Variants in MACROD2 observed in about 807,000 individuals in gnomAD.
MACROD2 encodes the protein mono-ADP ribosylhydrolase 2.
In MACROD2, 36 loss-of-function variants were observed where a neutral mutation model predicts 70.4. The ratio of observed to expected loss-of-function variants is 0.51; its 90% CI spans 0.39 to 0.68. MACROD2 has a LOEUF of 0.68. Among genes scored for constraint, MACROD2 ranks in the 30% least tolerant of loss-of-function variants. MACROD2 has a pLI of 0.00. For missense variants in MACROD2, 496 were observed against 538.4 expected (o/e 0.92, Z 0.78); for synonymous variants, 172 against 178.8 (o/e 0.96, Z 0.30).
At chr20:14,343,613 T>A (rs1319786295) in intron 3 of MACROD2, among the ~76,000 whole-genome samples, 1 of 152,230 alleles carries the variant, frequency 6.6e-6, no homozygotes, top group Non-Finnish European at 1.5e-5. Context: ...TCTTTGGGAA[T>A]GAAACAATTT....
intron 5 of MACROD2, among the ~76,000 whole-genome samples, chr20:14,966,007 T>C (rs2074633307): frequency 6.6e-6 from 1 of 152,062 alleles, no homozygotes; most frequent in Admixed American, 6.5e-5. Flanking sequence ...AGATGACAAA[T>C]ATTTACATTT....
intron 17 of MACROD2, among the ~76,000 whole-genome samples, chr20:16,046,675 CTTT>C (rs557907668): frequency 1.5e-4 from 13 of 85,500 alleles, no homozygotes; most frequent in African/African-American, 3.9e-4. Flanking sequence ...GGTGTCAAAA[CTTT>C]TTTTTTTTTT....
At chr20:15,884,241 G>A (rs1345583815) in intron 9 of MACROD2, among the ~76,000 whole-genome samples, 1 of 152,020 alleles carries the variant, frequency 6.6e-6, no homozygotes, top group Non-Finnish European at 1.5e-5. Flanking sequence ...ATTCAAACCT[G>A]GGGAAATCAG....
At chr20:15,139,442 C>T (rs17358700) in intron 5 of MACROD2, among the ~76,000 whole-genome samples, 32,197 of 151,922 alleles carry the variant, frequency 0.21, 4,685 homozygotes, top group Non-Finnish European at 0.32. Flanking sequence ...GCTTAAATAC[C>T]GCAGTGTGGT....
chr20:15,889,843 A>T (rs1247228221), intron 10 of MACROD2, among the ~76,000 whole-genome samples: 1 of 152,110 alleles, frequency 6.6e-6, no homozygotes, highest in Non-Finnish European at 1.5e-5. Flanking sequence ...GCAAATCTCC[A>T]GGTTTCCACC....
At chr20:14,576,693 A>G (rs1276906583) in intron 4 of MACROD2, among the ~76,000 whole-genome samples, 4 of 151,612 alleles carry the variant, frequency 2.6e-5, no homozygotes, top group African/African-American at 9.7e-5. Flanking sequence ...ACTGTTATAT[A>G]AGGGCTCTCA....
chr20:14,699,696 T>G (rs952164932), intron 5 of MACROD2, among the ~76,000 whole-genome samples: 2 of 152,200 alleles, frequency 1.3e-5, no homozygotes, highest in Non-Finnish European at 2.9e-5. Flanking sequence ...TAATATGTAG[T>G]TTAATACCTA....
At chr20:14,190,690 ATATATATATTTTTTTT>A (rs2081377871) in intron 3 of MACROD2, among the ~76,000 whole-genome samples, 2 of 42,214 alleles carry the variant, frequency 4.7e-5, no homozygotes, top group Non-Finnish European at 8.3e-5. Flanking sequence ...ATATATATAT[ATATATATATTTTTTTT>A]TTTTTTTTTT....
chr20:14,062,367 A>C (rs2053700921), intron 2 of MACROD2, among the ~76,000 whole-genome samples: 1 of 152,182 alleles, frequency 6.6e-6, no homozygotes, highest in Admixed American at 6.5e-5. Flanking sequence ...TCAGAGATTA[A>C]GCGTCATTTA....
At chr20:14,633,197 G>A (rs951052482) in intron 4 of MACROD2, among the ~76,000 whole-genome samples, 1 of 152,210 alleles carries the variant, frequency 6.6e-6, no homozygotes. Context: ...TGTCTGGGTT[G>A]AATTTCCCCA....
At chr20:15,776,559 G>A (rs1340678461) in intron 8 of MACROD2, among the ~76,000 whole-genome samples, 1 of 152,122 alleles carries the variant, frequency 6.6e-6, no homozygotes, top group Non-Finnish European at 1.5e-5. Context: ...TGTCAACTTG[G>A]CAGTTGTTTA....
rs930324695 is a variant in MACROD2, at chr20:15,150,344, A to G, written c.419-79596A>G. Among the ~76,000 whole-genome samples the G allele has an allele frequency of 2.3e-4, 35 of 152,020 alleles. 1 individual carries two copies. Among genetic ancestry groups the G allele is most frequent in the Admixed American group, 4.6e-4 (7 of 15,274 alleles). On this transcript the variant is annotated intron_variant, in intron 5 of 17. Transcript: ENST00000684519. ...GAACAGAATAGTGAGTTGTGGAGGAAGGTATTGAGGACAAAAGAGTGTACA... is the reference window on the plus strand; with the variant it reads ...GAACAGAATAGTGAGTTGTGGAGGAGGGTATTGAGGACAAAAGAGTGTACA...
At chr20:15,132,601 T>C (rs1568591427) in intron 5 of MACROD2, among the ~76,000 whole-genome samples, 1 of 151,822 alleles carries the variant, frequency 6.6e-6, no homozygotes, top group Non-Finnish European at 1.5e-5. Context: ...TAGAGCTTAA[T>C]AGAAGGACAA....
intron 6 of MACROD2, among the ~76,000 whole-genome samples, chr20:15,346,846 C>A (rs993646272): frequency 4.6e-5 from 7 of 152,158 alleles, no homozygotes; most frequent in Admixed American, 2.0e-4. Flanking sequence ...GAGATGGAAA[C>A]CTGTAGTGTG....
chr20:14,877,912 A>G (rs1163140904), intron 5 of MACROD2, among the ~76,000 whole-genome samples: 2 of 152,052 alleles, frequency 1.3e-5, no homozygotes, highest in Non-Finnish European at 2.9e-5. Flanking sequence ...TACGTTCATC[A>G]GGGATATTGG....
chr20:14,685,046 G>A, intron 5 of MACROD2, 87 bp downstream of exon 5: 2 of 1,022,340 alleles, frequency 2.0e-6, no homozygotes, highest in Middle Eastern at 2.1e-4. Context: ...GGAAATGGCA[G>A]TGGTGGTATT....
chr20:15,091,659 T>C (rs1355581951), intron 5 of MACROD2, among the ~76,000 whole-genome samples: 1 of 152,156 alleles, frequency 6.6e-6, no homozygotes, highest in Non-Finnish European at 1.5e-5. Flanking sequence ...ACCACAGTAG[T>C]TGTTTTTGAA....
intron 5 of MACROD2, among the ~76,000 whole-genome samples, chr20:14,706,794 G>A (rs1426511362): frequency 6.6e-6 from 1 of 151,986 alleles, no homozygotes; most frequent in South Asian, 2.1e-4. Flanking sequence ...AAGCACCGCC[G>A]AGACTGAAGG....
intron 6 of MACROD2, among the ~76,000 whole-genome samples, chr20:15,284,725 A>G (rs975787459): frequency 4.6e-5 from 7 of 152,186 alleles, no homozygotes; most frequent in African/African-American, 1.7e-4. Context: ...AGTTACTCCG[A>G]TAGAACGAAG....
Sources: gnomAD v4.1 joint callset for allele counts (sites outside exome capture counted in the v4.1 genomes callset) on GRCh38, gnomAD v4.1.1 for gene constraint, MANE v1.5 for transcripts, NCBI Gene and HGNC (gene_info 2026-07-23, HGNC 2026-07-21) for gene names.